Variants in HS6ST1 observed in about 807,000 individuals in gnomAD.
HS6ST1 encodes the protein heparan sulfate 6-O-sulfotransferase 1.
In HS6ST1, 3 loss-of-function variants were observed where a neutral mutation model predicts 25.2. That is an observed-to-expected ratio of 0.12 (90% CI 0.05 to 0.31). HS6ST1 has a LOEUF of 0.31. Ranked by LOEUF, HS6ST1 falls within the 10% of genes least tolerant of loss-of-function variation. The pLI, the probability that HS6ST1 is intolerant of heterozygous loss-of-function variation, is 1.00. For synonymous variants in HS6ST1, 204 were observed against 275.1 expected (o/e 0.74, Z 2.56); for missense variants, 310 against 609.6 (o/e 0.51, Z 5.18).
chr2:128,268,553 T>C lies in HS6ST1; in HGVS notation c.845A>G (p.Lys282Arg). Residue 282 changes from lysine to arginine, a missense_variant, in exon 2 of 2, where the codon AAG becomes AGG. Transcript: ENST00000259241. Reference protein sequence around the residue: ...KRAQLLLESAKKNLRGMAFFG... With the variant: ...KRAQLLLESARKNLRGMAFFG... ...GAAGGCCATGCCCCGCAGGTTCTTCTTGGCGCTCTCGAGCAGCAGCTGGGC... is the reference window on the plus strand; with the variant it reads ...GAAGGCCATGCCCCGCAGGTTCTTCCTGGCGCTCTCGAGCAGCAGCTGGGC... 1 of 1,601,882 alleles carries C rather than the reference T, an allele frequency of 6.2e-7. No homozygotes were observed.
intron 1 of HS6ST1, among the ~76,000 whole-genome samples, chr2:128,281,095 C>A (rs1258840357): frequency 6.6e-6 from 1 of 152,248 alleles, no homozygotes; most frequent in Non-Finnish European, 1.5e-5. Flanking sequence ...CCAGCCTCAG[C>A]CCAGCCCCTT....
At position 128,266,857 on chromosome 2, in the gene HS6ST1, T is replaced by C. The variant is rs981554427; in HGVS notation, c.*1305A>G. ...ACGTGCTTACAACGGATATGCAACA[T>C]GGCTTTTGGTAGGGCCATTGCAGCC... On this transcript the variant is annotated 3_prime_UTR_variant, in exon 2 of 2. Transcript: ENST00000259241. The C allele has an allele frequency of 1.3e-5, 2 of 152,168 alleles. No individual in the cohort carries two copies. The highest frequency in any genetic ancestry group is 4.8e-5 in the African/African-American group (2 of 41,338). 9.4% of individuals were successfully genotyped at this position (152,168 alleles called of 1,614,324 possible). A position where few individuals can be genotyped will look rare whatever the true frequency, so the allele number is the denominator to read the frequency against.
intron 1 of HS6ST1, among the ~76,000 whole-genome samples, chr2:128,283,533 C>G (rs964721108): frequency 4.6e-5 from 7 of 152,226 alleles, no homozygotes; most frequent in Non-Finnish European, 1.0e-4. Context: ...GAGGTGACCC[C>G]GGGCCAGGTC....
At position 128,291,806 on chromosome 2, in the gene HS6ST1, C is replaced by T. The variant is rs375344134; in HGVS notation, c.528-22936G>A. Among the ~76,000 whole-genome samples the T allele has an allele frequency of 2.2e-4, 33 of 152,364 alleles. No homozygotes were observed. The East Asian group carries it at 4.6e-3, about 21-fold the overall frequency. On this transcript the variant is annotated intron_variant, in intron 1 of 1. Transcript: ENST00000259241. ...GGCAACCCAGCAAGGATGTGGCTAA[C>T]AGCTGTGCAGGGGCGCCGGCGGGCA...
At chr2:128,284,693 G>A (rs1436319831) in intron 1 of HS6ST1, among the ~76,000 whole-genome samples, 2 of 152,088 alleles carry the variant, frequency 1.3e-5, no homozygotes, top group Admixed American at 1.3e-4. Context: ...TTGCCATGTT[G>A]GCCAAGCTGG....
At chr2:128,313,837 A>G (rs1214922369) in intron 1 of HS6ST1, among the ~76,000 whole-genome samples, 2 of 151,928 alleles carry the variant, frequency 1.3e-5, no homozygotes, top group Non-Finnish European at 2.9e-5. Context: ...TGGCTTGAAG[A>G]CCACCAGAGC....
At position 128,268,492 on chromosome 2, in the gene HS6ST1, G is replaced by T; in HGVS notation, c.906C>A (p.Tyr302Ter). Residue 302 changes from tyrosine to a stop codon, truncating the protein, a stop_gained, in exon 2 of 2, where the codon TAC becomes TAA. Transcript: ENST00000259241. LOFTEE classifies it high-confidence loss of function. ...TGAGGTTGAACGTCCGCTCGAACAGGTACTGCGTCTTGCGCTGGAACTCGG... is the reference window on the plus strand; with the variant it reads ...TGAGGTTGAACGTCCGCTCGAACAGTTACTGCGTCTTGCGCTGGAACTCGG... The part of the protein sequence containing the change: ...GLTEFQRKTQ[Y>*]LFERTFNLKF... 2 of 1,612,564 alleles carry T rather than the reference G, an allele frequency of 1.2e-6. No homozygotes were observed. The highest frequency in any genetic ancestry group is 1.7e-6 in the Non-Finnish European group (2 of 1,179,464).
At chr2:128,312,467 T>C (rs1276178081) in intron 1 of HS6ST1, among the ~76,000 whole-genome samples, 1 of 152,210 alleles carries the variant, frequency 6.6e-6, no homozygotes, top group African/African-American at 2.4e-5. Context: ...CATGCCCCCA[T>C]GGCTTGTCAC....
intron 1 of HS6ST1, among the ~76,000 whole-genome samples, chr2:128,314,618 G>C (rs551855866): frequency 6.6e-6 from 1 of 152,304 alleles, no homozygotes; most frequent in Non-Finnish European, 1.5e-5. Context: ...GTCTGAGAAG[G>C]CTTCAGGATC....
At chr2:128,290,374 T>C (rs923851533) in intron 1 of HS6ST1, among the ~76,000 whole-genome samples, 2 of 152,070 alleles carry the variant, frequency 1.3e-5, no homozygotes, top group Non-Finnish European at 2.9e-5. Flanking sequence ...AATACCGAAG[T>C]TGGACAAATG....
At position 128,270,222 on chromosome 2, in the gene HS6ST1, C is replaced by A. The variant is rs568111925; in HGVS notation, c.528-1352G>T. ...TTTCTGTGGCCTGGCAGGCTCAGAC[C>A]CTGCCCTGGAGGAGCTCTCAGCAGA... On this transcript the variant is annotated intron_variant, in intron 1 of 1. Transcript: ENST00000259241. Among the ~76,000 whole-genome samples the A allele has an allele frequency of 2.6e-5, 4 of 152,314 alleles. No individual in the cohort carries two copies. In the South Asian group the frequency reaches 8.3e-4, roughly 32 times the overall value.
chr2:128,313,539 C>G (rs1047303689), intron 1 of HS6ST1, among the ~76,000 whole-genome samples: 2 of 152,154 alleles, frequency 1.3e-5, no homozygotes, highest in African/African-American at 4.8e-5. Context: ...ACCAAACAAT[C>G]ATTATAACCA....
intron 1 of HS6ST1, among the ~76,000 whole-genome samples, chr2:128,270,832 C>T (rs1409885453): frequency 1.3e-5 from 2 of 152,230 alleles, no homozygotes; most frequent in African/African-American, 4.8e-5. Context: ...CTCCTAGCCC[C>T]AGCCAATGAC....
At chr2:128,315,258 A>T (rs13387904) in intron 1 of HS6ST1, among the ~76,000 whole-genome samples, 13,822 of 152,246 alleles carry the variant, frequency 0.091, 686 homozygotes, top group African/African-American at 0.12. Context: ...GTTCCAAACC[A>T]TATTCCAGGA....
chr2:128,312,215 G>A (rs1294727337), intron 1 of HS6ST1, among the ~76,000 whole-genome samples: 1 of 152,270 alleles, frequency 6.6e-6, no homozygotes, highest in African/African-American at 2.4e-5. Flanking sequence ...TGGGAGCAGA[G>A]GGCTGGGTGC....
At chr2:128,273,114 G>T (rs1360185524) in intron 1 of HS6ST1, among the ~76,000 whole-genome samples, 2 of 152,196 alleles carry the variant, frequency 1.3e-5, no homozygotes, top group African/African-American at 2.4e-5. Context: ...AGGGAGGCGG[G>T]TGTGTTCAAA....
intron 1 of HS6ST1, among the ~76,000 whole-genome samples, chr2:128,314,243 G>A (rs1401466921): frequency 6.6e-6 from 1 of 151,930 alleles, no homozygotes. Context: ...ACCCCTACCT[G>A]GTCTGCCCCA....
chr2:128,303,657 G>A (rs1424410104), intron 1 of HS6ST1, among the ~76,000 whole-genome samples: 2 of 152,170 alleles, frequency 1.3e-5, no homozygotes, highest in Admixed American at 1.3e-4. Flanking sequence ...TGACATCCAG[G>A]CTGCCTGCTA....
At chr2:128,295,454 G>A (rs1694027989) in intron 1 of HS6ST1, among the ~76,000 whole-genome samples, 1 of 152,164 alleles carries the variant, frequency 6.6e-6, no homozygotes, top group Non-Finnish European at 1.5e-5. Context: ...GGCTCTCCTG[G>A]GACTAACACA....
Sources: gnomAD v4.1 joint callset for allele counts (sites outside exome capture counted in the v4.1 genomes callset) on GRCh38, gnomAD v4.1.1 for gene constraint, MANE v1.5 for transcripts, NCBI Gene and HGNC (gene_info 2026-07-23, HGNC 2026-07-21) for gene names.